The following SLC26A7 variants were observed in gnomAD, a reference collection of about 807,000 sequenced individuals.
The protein encoded by SLC26A7 is anion exchange transporter.
In SLC26A7, 59 loss-of-function variants were observed where a neutral mutation model predicts 82.5. That is an observed-to-expected ratio of 0.72 (90% CI 0.58 to 0.89). The LOEUF is 0.89. Ranked by LOEUF, SLC26A7 falls within the 40% of genes least tolerant of loss-of-function variation. The probability of loss-of-function intolerance (pLI) is 0.00; values close to 1 mark genes in which losing one functional copy is unlikely to be tolerated. For synonymous variants in SLC26A7, 271 were observed against 274.3 expected, an observed-to-expected ratio of 0.99 and a Z score of 0.12; for missense variants, 820 against 793.0, an observed-to-expected ratio of 1.03 and a Z score of -0.41.
intron 8 of SLC26A7, among the ~76,000 whole-genome samples, chr8:91,342,449 TA>T (rs1813447058): frequency 1.3e-5 from 2 of 152,244 alleles, no homozygotes; most frequent in Admixed American, 1.3e-4. Flanking sequence ...GAATTTGCAA[TA>T]ATCCAAGTGA....
At chr8:91,219,334 G>T (rs72666055) in intron 2 of SLC26A7, 2,488 of 173,624 alleles carry the variant, frequency 0.014, 30 homozygotes, top group Middle Eastern at 0.03. Context: ...ACGGGGAAAA[G>T]TATTTATTTT....
At position 91,327,173 on chromosome 8, in the gene SLC26A7, A is replaced by T. The variant is rs74813444; in HGVS notation, c.643-7122A>T. Reference sequence around the variant, plus strand: ...ACTCACTGCAGTAACCCAACCATGTATGGTGAGGAGGTTTTATGTTTTTGC... The same window carrying T: ...ACTCACTGCAGTAACCCAACCATGTTTGGTGAGGAGGTTTTATGTTTTTGC... On this transcript the variant is annotated intron_variant, in intron 5 of 18. Coordinates refer to ENST00000276609, the MANE Select transcript of SLC26A7 (RefSeq NM_052832.4). Among the ~76,000 whole-genome samples the T allele has an allele frequency of 6.4e-3, 971 of 152,230 alleles. 8 individuals are homozygous for T. Among genetic ancestry groups the T allele is most frequent in the African/African-American group, 0.023 (943 of 41,546 alleles).
At chr8:91,368,139 T>A (rs1316462414) in intron 14 of SLC26A7, among the ~76,000 whole-genome samples, 1 of 152,126 alleles carries the variant, frequency 6.6e-6, no homozygotes, top group Non-Finnish European at 1.5e-5. Context: ...ACTATAGAGG[T>A]AAAGTGCCCT....
intron 7 of SLC26A7, 98 bp from the exon 8 acceptor site, chr8:91,340,306 T>C: frequency 6.9e-7 from 1 of 1,448,294 alleles, no homozygotes; most frequent in Non-Finnish European, 9.5e-7. Flanking sequence ...ACTTAGTCTA[T>C]GTAAACTTCA....
At chr8:91,271,627 C>T (rs1811272559) in intron 2 of SLC26A7, among the ~76,000 whole-genome samples, 1 of 141,574 alleles carries the variant, frequency 7.1e-6, no homozygotes, top group Non-Finnish European at 1.5e-5. Flanking sequence ...CGGAGTCTCG[C>T]TCTGTCGCCC....
chr8:91,241,173 A>G (rs770811146), intron 2 of SLC26A7, among the ~76,000 whole-genome samples: 2 of 152,162 alleles, frequency 1.3e-5, no homozygotes, highest in Admixed American at 6.5e-5. Context: ...ACTATGGTAC[A>G]TTTTTGTGAA....
chr8:91,219,030 C>A, intron 2 of SLC26A7: 1 of 1,272,518 alleles, frequency 7.9e-7, no homozygotes. Context: ...CATAGCCTCA[C>A]TCCACTTGCC....
intron 15 of SLC26A7, among the ~76,000 whole-genome samples, chr8:91,388,255 C>G (rs1446415233): frequency 1.3e-5 from 2 of 151,530 alleles, no homozygotes; most frequent in East Asian, 3.9e-4. Flanking sequence ...CTCAGCCTCC[C>G]GAGCGGGATT....
rs1354230197 is a variant in SLC26A7 at position 91,327,817 on chromosome 8, T to TA, written c.643-6472dup. On this transcript the variant is annotated intron_variant, in intron 5 of 18. Coordinates refer to ENST00000276609, the MANE Select transcript of SLC26A7 (RefSeq NM_052832.4). Reference sequence around the variant, plus strand: ...TAGAGCCAAGATAGTGCAGGAATGATAAAAAATGCTACTAAAGGGTTATGT... The same window carrying TA: ...TAGAGCCAAGATAGTGCAGGAATGATAAAAAAATGCTACTAAAGGGTTATGT... 2.0e-5 allele frequency among the ~76,000 whole-genome samples: 3 copies of TA among 152,132 alleles called. No individual in the cohort carries two copies. In the East Asian group the frequency reaches 5.8e-4, roughly 29 times the overall value.
In SLC26A7 at chr8:91,249,657, A is replaced by G; in HGVS notation, c.6A>G (p.Thr2=). M[T]GAKRKKKSML... is the part of the protein sequence containing the mutation. ...TACAAGAAGAAATCTGAAAAATGAC[A>G]GGAGCAAAGAGGAAAAAGAAAAGCA... Residue 2 remains threonine (T), a synonymous_variant, in exon 2 of 19, where the codon ACA becomes ACG. Transcript: ENST00000276609. 6.6e-7 allele frequency: 1 copy of G among 1,511,704 alleles called. No individual in the cohort carries two copies. Among genetic ancestry groups the G allele is most frequent in the Non-Finnish European group, 8.8e-7 (1 of 1,131,714 alleles). 93.6% of individuals were successfully genotyped at this position (1,511,704 alleles called of 1,614,324 possible).
chr8:91,349,959 A>G (rs950971982), intron 9 of SLC26A7, among the ~76,000 whole-genome samples: 2 of 152,108 alleles, frequency 1.3e-5, no homozygotes, highest in Non-Finnish European at 2.9e-5. Flanking sequence ...ATCATATTTT[A>G]TTGTTTAAAA....
intron 2 of SLC26A7, among the ~76,000 whole-genome samples, chr8:91,262,575 GT>G (rs1209970420): frequency 1.3e-5 from 2 of 151,968 alleles, no homozygotes; most frequent in Non-Finnish European, 2.9e-5. Context: ...ATGTGTTGGT[GT>G]CCCCCGTCCT....
chr8:91,299,803 T>C (rs1230015151), intron 4 of SLC26A7, among the ~76,000 whole-genome samples: 2 of 152,010 alleles, frequency 1.3e-5, no homozygotes, highest in Non-Finnish European at 2.9e-5. Flanking sequence ...AGCACCAACT[T>C]GCATTGGAGG....
intron 15 of SLC26A7, among the ~76,000 whole-genome samples, chr8:91,375,001 C>G (rs1251229365): frequency 6.6e-6 from 1 of 150,404 alleles, no homozygotes; most frequent in Non-Finnish European, 1.5e-5. Context: ...GTCTTTCTTT[C>G]TTTTTTTTTG....
chr8:91,331,761 A>G (rs1277963240), intron 5 of SLC26A7, among the ~76,000 whole-genome samples: 1 of 152,120 alleles, frequency 6.6e-6, no homozygotes, highest in African/African-American at 2.4e-5. Flanking sequence ...GCAACAATTT[A>G]TACTCACAAG....
rs1330005340 is a variant in SLC26A7, at chr8:91,275,474, A to AT, written c.194-13656dup. Among the ~76,000 whole-genome samples the AT allele has an allele frequency of 4.0e-5, 6 of 151,848 alleles. No individual in the cohort carries two copies. The East Asian group carries it at 9.7e-4, about 24-fold the overall frequency. On this transcript the variant is annotated intron_variant, in intron 2 of 18. Transcript: ENST00000276609. ...TCTTTCACTGATTTTTTTCTTTAAA[A>AT]TTTTTTGTGGAGACAGGGTCTCATT...
intron 1 of SLC26A7, among the ~76,000 whole-genome samples, chr8:91,213,606 A>G (rs959196997): frequency 2.4e-4 from 36 of 152,232 alleles, no homozygotes; most frequent in African/African-American, 8.7e-4. Context: ...CTAAAGAGGT[A>G]AAAGATATTA....
At chr8:91,327,581 G>A (rs1812968072) in intron 5 of SLC26A7, among the ~76,000 whole-genome samples, 1 of 152,162 alleles carries the variant, frequency 6.6e-6, no homozygotes. Flanking sequence ...TGGCATATAT[G>A]GATGTTACCA....
At chr8:91,366,093 C>A (rs1463285365) in intron 13 of SLC26A7, among the ~76,000 whole-genome samples, 1 of 152,142 alleles carries the variant, frequency 6.6e-6, no homozygotes. Flanking sequence ...AGGTCTCTGT[C>A]TTCAAATTAG....
Sources: allele counts gnomAD v4.1 joint callset (sites outside exome capture counted in the v4.1 genomes callset), GRCh38; gene constraint gnomAD v4.1.1; transcripts MANE v1.5; gene names NCBI Gene and HGNC (gene_info 2026-07-23, HGNC 2026-07-21).